Variants in DAB1 observed in about 807,000 individuals in gnomAD.
DAB1 encodes disabled homolog 1.
In DAB1, 15 loss-of-function variants were observed where a neutral mutation model predicts 64.6. The ratio of observed to expected loss-of-function variants is 0.23; its 90% CI spans 0.16 to 0.36. The LOEUF (loss-of-function observed/expected upper bound fraction) is 0.36. Among genes scored for constraint, DAB1 ranks in the 10% least tolerant of loss-of-function variants. The probability of loss-of-function intolerance (pLI) is 1.00; values close to 1 mark genes in which losing one functional copy is unlikely to be tolerated. For synonymous variants in DAB1, 235 were observed against 251.9 expected (o/e 0.93, Z 0.64); for missense variants, 596 against 706.7 (o/e 0.84, Z 1.78).
chr1:57,577,618 C>T lies in DAB1; in HGVS notation n.625+71974G>A, dbSNP rs118109729. ...TTCCTAAGGCCACATGTGTGGGTGGCGAGAACCAACTGAAGCCAAATGCCA... is the reference window on the plus strand; with the variant it reads ...TTCCTAAGGCCACATGTGTGGGTGGTGAGAACCAACTGAAGCCAAATGCCA... On this transcript the variant is annotated intron_variant and non_coding_transcript_variant, in intron 7 of 20. Coordinates refer to the DAB1 transcript ENST00000485760. Among the ~76,000 whole-genome samples the T allele has an allele frequency of 1.2e-3, 176 of 152,186 alleles. 2 individuals are homozygous for T. The East Asian group carries it at 0.027, about 24-fold the overall frequency.
At chr1:57,934,980 T>C (rs1011266167) in intron 5 of DAB1, among the ~76,000 whole-genome samples, 19 of 152,338 alleles carry the variant, frequency 1.2e-4, no homozygotes, top group African/African-American at 3.8e-4. Context: ...TTTCTGGCTG[T>C]TTCAGTTTCA....
intron 7 of DAB1, among the ~76,000 whole-genome samples, chr1:57,561,986 A>G (rs2805861): frequency 0.95 from 144,674 of 152,304 alleles, 69,130 homozygotes; most frequent in East Asian, 1. Context: ...CTTCTGCCAA[A>G]ACTACCATCT....
intron 5 of DAB1, among the ~76,000 whole-genome samples, chr1:58,105,870 C>T (rs934322872): frequency 6.6e-6 from 1 of 152,186 alleles, no homozygotes; most frequent in South Asian, 2.1e-4. Context: ...CAGCACTTTT[C>T]CTCTCCATTC....
chr1:57,564,448 T>C (rs1251340046), intron 7 of DAB1, among the ~76,000 whole-genome samples: 3 of 152,104 alleles, frequency 2.0e-5, no homozygotes, highest in Non-Finnish European at 4.4e-5. Context: ...ATGACTTTGA[T>C]GAGTTGAGAG....
At chr1:57,357,835 A>G (rs1399663180) in intron 1 of DAB1, among the ~76,000 whole-genome samples, 1 of 151,924 alleles carries the variant, frequency 6.6e-6, no homozygotes, top group Non-Finnish European at 1.5e-5. Flanking sequence ...TCATGAGAGT[A>G]CTGCATGGGG....
chr1:57,483,151 A>G (rs1391126736), intron 7 of DAB1, among the ~76,000 whole-genome samples: 1 of 152,240 alleles, frequency 6.6e-6, no homozygotes, highest in East Asian at 1.9e-4. Context: ...TTTCTTTTTT[A>G]TATCATTATT....
chr1:58,402,461 C>A (rs552691717), intron 3 of DAB1, among the ~76,000 whole-genome samples: 4 of 152,174 alleles, frequency 2.6e-5, no homozygotes, highest in Non-Finnish European at 5.9e-5. Flanking sequence ...AGTCTCTCTG[C>A]AATGGAAGAG....
chr1:57,935,292 CTT>C (rs1178118084), intron 5 of DAB1, among the ~76,000 whole-genome samples: 1 of 152,202 alleles, frequency 6.6e-6, no homozygotes, highest in Non-Finnish European at 1.5e-5. Context: ...CTAAACCTCT[CTT>C]TCTGCATCTG....
intron 4 of DAB1, among the ~76,000 whole-genome samples, chr1:57,118,329 T>C (rs1656326034): frequency 6.6e-6 from 1 of 152,100 alleles, no homozygotes; most frequent in South Asian, 2.1e-4. Flanking sequence ...GCAAAACTGA[T>C]TGGAAGTCTG....
intron 5 of DAB1, among the ~76,000 whole-genome samples, chr1:57,928,126 C>T (rs1644905296): frequency 6.6e-6 from 1 of 152,076 alleles, no homozygotes; most frequent in South Asian, 2.1e-4. Flanking sequence ...TGAACATTCT[C>T]ACTGAATTTT....
At chr1:57,798,854 G>A (rs745589204) in intron 6 of DAB1, among the ~76,000 whole-genome samples, 1 of 152,154 alleles carries the variant, frequency 6.6e-6, no homozygotes, top group African/African-American at 2.4e-5. Context: ...GACAGAAAGG[G>A]GAAATTTAAC....
At chr1:57,321,601 G>A (rs1410353871) in intron 1 of DAB1, among the ~76,000 whole-genome samples, 2 of 152,132 alleles carry the variant, frequency 1.3e-5, no homozygotes, top group Non-Finnish European at 2.9e-5. Flanking sequence ...GAGATGGAAG[G>A]AATCATAAAA....
chr1:58,492,549 A>C lies in DAB1; in HGVS notation n.257+13511T>G, dbSNP rs538352503. Among the ~76,000 whole-genome samples, 14 of 152,332 alleles carry C rather than the reference A, an allele frequency of 9.2e-5. No individual in the cohort carries two copies. In the East Asian group the frequency reaches 2.7e-3, roughly 29 times the overall value. On this transcript the variant is annotated intron_variant and non_coding_transcript_variant, in intron 3 of 20. Transcript: ENST00000485760. Reference sequence around the variant, plus strand: ...CTAATAAACAGGAAAAGAGAGAAGAATCAAATAGACACAATAAAAAATGAT... The same window carrying C: ...CTAATAAACAGGAAAAGAGAGAAGACTCAAATAGACACAATAAAAAATGAT...
intron 5 of DAB1, among the ~76,000 whole-genome samples, chr1:58,082,905 G>A (rs1401636628): frequency 6.6e-6 from 1 of 152,106 alleles, no homozygotes; most frequent in African/African-American, 2.4e-5. Flanking sequence ...TGTAGACTGT[G>A]GGGAGACTGA....
chr1:57,201,302 A>C (rs1665078503), intron 2 of DAB1, among the ~76,000 whole-genome samples: 2 of 152,142 alleles, frequency 1.3e-5, no homozygotes, highest in African/African-American at 2.4e-5. Flanking sequence ...CTGAAACTTA[A>C]GTGTGTCTAC....
intron 3 of DAB1, among the ~76,000 whole-genome samples, chr1:58,373,508 T>A (rs1644290777): frequency 6.6e-6 from 1 of 151,498 alleles, no homozygotes; most frequent in African/African-American, 2.4e-5. Flanking sequence ...GAACTCATCA[T>A]TTCTTACGGC....
intron 4 of DAB1, among the ~76,000 whole-genome samples, chr1:58,154,867 TA>T (rs1655135918): frequency 6.6e-6 from 1 of 152,170 alleles, no homozygotes; most frequent in Non-Finnish European, 1.5e-5. Context: ...TGTTAAGGTA[TA>T]AAATTATTAG....
In DAB1 at chr1:57,287,246, AT is replaced by A. The variant is rs34523421; in HGVS notation, c.67+3717del. 8.2e-3 allele frequency among the ~76,000 whole-genome samples: 1,242 copies of A among 150,922 alleles called. 31 individuals are homozygous for A. The highest frequency in any genetic ancestry group is 0.08 in the East Asian group (410 of 5,136). On this transcript the variant is annotated intron_variant, in intron 2 of 14. Transcript: ENST00000371236. ...GCCGCCATGCCTGGCCATTCTTTGC[AT>A]TTTTTTTTGTAAAGATGGGGTTTCA...
chr1:57,585,827 T>C (rs1645372484), intron 7 of DAB1, among the ~76,000 whole-genome samples: 1 of 152,224 alleles, frequency 6.6e-6, no homozygotes, highest in African/African-American at 2.4e-5. Flanking sequence ...GATAAATGTA[T>C]AATCTGGTCA....
Sources: allele counts gnomAD v4.1 joint callset (sites outside exome capture counted in the v4.1 genomes callset), GRCh38; gene constraint gnomAD v4.1.1; transcripts MANE v1.5; gene names NCBI Gene and HGNC (gene_info 2026-07-23, HGNC 2026-07-21).